DDX42: variants seen among roughly 807,000 people sequenced by gnomAD.
DDX42 encodes the protein ATP-dependent RNA helicase DDX42.
A neutral mutation model predicts 101.5 loss-of-function variants in DDX42; 22 were observed. The observed-to-expected ratio is 0.22, with a 90% CI of 0.15 to 0.31. The LOEUF (loss-of-function observed/expected upper bound fraction) is 0.31. Ranked by LOEUF, DDX42 falls within the 10% of genes least tolerant of loss-of-function variation. The probability of loss-of-function intolerance (pLI) is 1.00; values close to 1 mark genes in which losing one functional copy is unlikely to be tolerated. For synonymous variants in DDX42, 402 were observed against 401.2 expected (o/e 1.00, Z -0.02); for missense variants, 849 against 1,199.9 (o/e 0.71, Z 4.32).
intron 4 of DDX42, among the ~76,000 whole-genome samples, chr17:63,798,813 T>C (rs2144560056): frequency 6.6e-6 from 1 of 152,340 alleles, no homozygotes; most frequent in Non-Finnish European, 1.5e-5. Flanking sequence ...TTCAGTCCTT[T>C]ACCAGGGTTT....
rs374527414 is a variant in DDX42 at position 63,776,951 on chromosome 17, C to T, written c.-17+2575C>T. Among the ~76,000 whole-genome samples the T allele has an allele frequency of 2.8e-4, 43 of 152,270 alleles. No homozygotes were observed. The East Asian group carries it at 4.0e-3, about 14-fold the overall frequency. ...TTAGAGACTGTCTTGCTGTGTTGCCCAGGTTGGAGTGCAGTGGTCCAGTCA... is the reference window on the plus strand; with the variant it reads ...TTAGAGACTGTCTTGCTGTGTTGCCTAGGTTGGAGTGCAGTGGTCCAGTCA... On this transcript the variant is annotated intron_variant, in intron 1 of 17. Transcript: ENST00000389924.
At chr17:63,807,996 A>T in intron 9 of DDX42, 96 bp downstream of exon 9, 1 of 1,154,098 alleles carries the variant, frequency 8.7e-7, no homozygotes, top group Non-Finnish European at 1.2e-6. Flanking sequence ...TTTTTTTTTT[A>T]ATTGTGATAA....
chr17:63,779,941 A>C (rs139835881), intron 1 of DDX42, among the ~76,000 whole-genome samples: 5 of 152,100 alleles, frequency 3.3e-5, no homozygotes, highest in African/African-American at 1.2e-4. Flanking sequence ...TCTGTCAGCT[A>C]TACTCCCACA....
chr17:63,808,718 A>AT (rs2039873080), intron 9 of DDX42, 102 bp from the exon 10 acceptor site: 1 of 1,485,498 alleles, frequency 6.7e-7, no homozygotes, highest in Non-Finnish European at 9.2e-7. Context: ...CTAGGTTTCG[A>AT]TTTTTTATGA....
intron 1 of DDX42, among the ~76,000 whole-genome samples, chr17:63,780,965 T>C (rs563349520): frequency 1.8e-4 from 28 of 152,350 alleles, no homozygotes; most frequent in Non-Finnish European, 1.0e-4. Context: ...TTTCAGACTT[T>C]ACTGGTTTTT....
Position 63,800,634 on chromosome 17 carries a change from T to C in DDX42, c.621+17T>C. ...CATTCAGAGGTATGGTGTTTCTTGC[T>C]GAATTTTACTCTTGTTTCAAGCTGA... On this transcript the variant is annotated intron_variant, in intron 6 of 17. Transcript: ENST00000389924. 1 of 1,609,868 alleles carries C rather than the reference T, an allele frequency of 6.2e-7. No individual in the cohort carries two copies. Among genetic ancestry groups the C allele is most frequent in the Non-Finnish European group, 8.5e-7 (1 of 1,178,338 alleles).
chr17:63,801,017 T>G (rs1598334860), intron 6 of DDX42, among the ~76,000 whole-genome samples: 1 of 149,574 alleles, frequency 6.7e-6, no homozygotes, highest in African/African-American at 2.5e-5. Context: ...CTCTTTCTTC[T>G]TTCTTTCTTC....
chr17:63,811,834 G>C (rs951087161), intron 13 of DDX42, 98 bp from the exon 14 acceptor site: 274 of 1,491,000 alleles, frequency 1.8e-4, no homozygotes, highest in Non-Finnish European at 2.4e-4. Context: ...GATTGTTCAA[G>C]GTCTTCTCGA....
chr17:63,811,081 T>C lies in DDX42; in HGVS notation c.1306T>C (p.Leu436=), dbSNP rs1033697650. 3 of 1,613,714 alleles carry C rather than the reference T, an allele frequency of 1.9e-6. No individual in the cohort carries two copies. The Admixed American group carries it at 5.0e-5, about 27-fold the overall frequency. The change falls in exon 13 of 18, where the codon TTA becomes CTA. Residue 436 remains leucine (L), a synonymous_variant. Coordinates refer to ENST00000389924, the MANE Select transcript of DDX42 (RefSeq NM_203499.3). ...SHVRPDRQTL[L]FSATFRKKIE... Reference sequence around the variant, plus strand: ...GAATTTATCTTACCTTTTAGCTCTCTTATTTAGTGCAACTTTTCGGAAGAA... The same window carrying C: ...GAATTTATCTTACCTTTTAGCTCTCCTATTTAGTGCAACTTTTCGGAAGAA...
At position 63,807,737 on chromosome 17, in the gene DDX42, C is replaced by T; in HGVS notation, c.860C>T (p.Ala287Val). 1.2e-6 allele frequency: 2 copies of T among 1,612,650 alleles called. No homozygotes were observed. Among genetic ancestry groups the T allele is most frequent in the Non-Finnish European group, 8.5e-7 (1 of 1,179,410 alleles). ...TPIQCQGVPV[A>V]LSGRDMIGIA... is the part of the protein sequence containing the mutation. ...CTTTTTCTCCAGGGTGTGCCTGTGG[C>T]ATTAAGTGGTAGAGACATGATTGGT... Residue 287 changes from alanine to valine, a missense_variant, in exon 9 of 18, where the codon GCA becomes GTA. Ala to Val is a moderately conservative substitution (Grantham distance 64). Around this residue, in one of 5 missense-constraint regions of DDX42, gnomAD observed 370 missense variants for 608.8 expected, o/e 0.61. Transcript: ENST00000389924.
chr17:63,785,150 A>G (rs774302976), intron 1 of DDX42, among the ~76,000 whole-genome samples: 14 of 152,056 alleles, frequency 9.2e-5, no homozygotes, highest in Non-Finnish European at 1.8e-4. Context: ...TTTCTGTAAA[A>G]CTTAGGTAAG....
At chr17:63,811,005 C>G in intron 12 of DDX42, 71 bp from the exon 13 acceptor site, 2 of 1,277,444 alleles carry the variant, frequency 1.6e-6, no homozygotes, top group Admixed American at 4.5e-5. Flanking sequence ...ATCCTGAATG[C>G]CAAAGAAGCT....
Position 63,774,237 on chromosome 17 carries a change from T to A in DDX42, c.-156T>A. 1 of 185,090 alleles carries A rather than the reference T, an allele frequency of 5.4e-6. No homozygotes were observed. Among genetic ancestry groups the A allele is most frequent in the Non-Finnish European group, 8.8e-6 (1 of 113,500 alleles). 11.5% of individuals were successfully genotyped at this position (185,090 alleles called of 1,614,324 possible). On this transcript the variant is annotated 5_prime_UTR_variant, in exon 1 of 18. Coordinates refer to ENST00000389924, the MANE Select transcript of DDX42 (RefSeq NM_203499.3). ...GTGGTGGCGGTGGCGGCGGCGGTGG[T>A]GGTGGTGGCGGCGGCGGCGGCGAAG...
intron 1 of DDX42, chr17:63,775,911 T>C (rs1241243615): frequency 6.6e-6 from 1 of 152,230 alleles, no homozygotes; most frequent in Non-Finnish European, 1.5e-5. Flanking sequence ...AATCAGCTCT[T>C]AGTTGCTTTA....
chr17:63,790,726 C>T (rs2039616934), intron 2 of DDX42, among the ~76,000 whole-genome samples: 2 of 152,180 alleles, frequency 1.3e-5, no homozygotes, highest in African/African-American at 4.8e-5. Flanking sequence ...TGCCACTGCA[C>T]TCCAGCCTGG....
intron 2 of DDX42, among the ~76,000 whole-genome samples, chr17:63,791,339 T>A (rs2039625024): frequency 6.6e-6 from 1 of 152,164 alleles, no homozygotes; most frequent in Non-Finnish European, 1.5e-5. Flanking sequence ...TTTGAGAGAG[T>A]CTTGCTCTGT....
intron 3 of DDX42, among the ~76,000 whole-genome samples, chr17:63,795,367 T>C (rs950074335): frequency 7.2e-5 from 11 of 152,252 alleles, no homozygotes; most frequent in Admixed American, 7.2e-4. Flanking sequence ...TTTTTTTCTT[T>C]TGAGACAGGA....
intron 1 of DDX42, chr17:63,774,695 A>T (rs1473471985): frequency 6.6e-6 from 1 of 152,226 alleles, no homozygotes; most frequent in South Asian, 2.1e-4. Flanking sequence ...CAGGGCAGGA[A>T]TAGCGCGGGG....
intron 1 of DDX42, among the ~76,000 whole-genome samples, chr17:63,778,236 A>G (rs1393510178): frequency 6.6e-6 from 1 of 152,200 alleles, no homozygotes; most frequent in Admixed American, 6.5e-5. Flanking sequence ...TTTATGCTTT[A>G]CTAAACAGAA....
Sources: allele counts gnomAD v4.1 joint callset (sites outside exome capture counted in the v4.1 genomes callset), GRCh38; gene constraint gnomAD v4.1.1; regional missense constraint gnomAD v4.1.1; transcripts MANE v1.5; gene names NCBI Gene and HGNC (gene_info 2026-07-23, HGNC 2026-07-21).